The following ILRUN variants were observed in gnomAD, a reference collection of about 807,000 sequenced individuals.
The protein encoded by ILRUN is protein ILRUN.
Under a neutral mutation model 33.8 loss-of-function variants are expected in ILRUN, and 3 were observed. The observed-to-expected ratio is 0.09, with a 90% CI of 0.04 to 0.23. The LOEUF is 0.23. Ranked by LOEUF, ILRUN falls within the 10% of genes least tolerant of loss-of-function variation. ILRUN has a pLI of 1.00. For synonymous variants in ILRUN, 124 were observed against 138.9 expected (o/e 0.89, Z 0.75); for missense variants, 210 against 375.1 (o/e 0.56, Z 3.64).
chr6:34,680,374 C>T (rs1763333736), intron 1 of ILRUN, among the ~76,000 whole-genome samples: 1 of 152,114 alleles, frequency 6.6e-6, no homozygotes, highest in Admixed American at 6.6e-5. Flanking sequence ...ACATTTTTAT[C>T]TCTGGGTCCC....
At chr6:34,684,056 T>C (rs1452337806) in intron 1 of ILRUN, among the ~76,000 whole-genome samples, 1 of 151,842 alleles carries the variant, frequency 6.6e-6, no homozygotes, top group Non-Finnish European at 1.5e-5. Flanking sequence ...CCAGCCTGGG[T>C]GACAGAGCTC....
intron 3 of ILRUN, among the ~76,000 whole-genome samples, chr6:34,618,646 A>G (rs1409876252): frequency 1.3e-5 from 2 of 152,174 alleles, no homozygotes; most frequent in African/African-American, 2.4e-5. Flanking sequence ...TGATTTTGTC[A>G]GGCTACAGGC....
chr6:34,599,543 C>T (rs73409996), intron 4 of ILRUN, among the ~76,000 whole-genome samples: 3,289 of 152,258 alleles, frequency 0.022, 123 homozygotes, highest in African/African-American at 0.072. Flanking sequence ...CACATATACC[C>T]TTGCCTTGTT....
chr6:34,655,870 A>T (rs536892304), intron 1 of ILRUN, among the ~76,000 whole-genome samples: 1 of 152,116 alleles, frequency 6.6e-6, no homozygotes, highest in South Asian at 2.1e-4. Context: ...GATTTCTCCC[A>T]TCTAATAGGT....
chr6:34,612,366 G>A (rs1267853434), intron 3 of ILRUN, among the ~76,000 whole-genome samples: 1 of 152,126 alleles, frequency 6.6e-6, no homozygotes, highest in Non-Finnish European at 1.5e-5. Context: ...AGGAGGTCGA[G>A]GTTGTACCAC....
Position 34,669,411 on chromosome 6 carries a change from G to C in ILRUN, c.159-14632C>G, listed in dbSNP as rs1582095328. Among the ~76,000 whole-genome samples the C allele has an allele frequency of 3.3e-5, 5 of 151,290 alleles. No individual in the cohort carries two copies. In the South Asian group the frequency reaches 1.0e-3, roughly 31 times the overall value. On this transcript the variant is annotated intron_variant, in intron 1 of 4. Transcript: ENST00000374023. ...CCCAAAGCGCTGGGATTAAAGGCGTGAGCCACCATGCCCAGCCTGAGGCCT... is the reference window on the plus strand; with the variant it reads ...CCCAAAGCGCTGGGATTAAAGGCGTCAGCCACCATGCCCAGCCTGAGGCCT...
chr6:34,668,114 G>C (rs1341332541), intron 1 of ILRUN, among the ~76,000 whole-genome samples: 2 of 151,926 alleles, frequency 1.3e-5, no homozygotes, highest in Admixed American at 6.6e-5. Context: ...TATCTCAAAT[G>C]GTTCAGGAAA....
At chr6:34,677,016 A>G (rs1289193861) in intron 1 of ILRUN, among the ~76,000 whole-genome samples, 1 of 150,040 alleles carries the variant, frequency 6.7e-6, no homozygotes, top group Non-Finnish European at 1.5e-5. Flanking sequence ...AAAAAAAAAA[A>G]GAATTGAAGG....
chr6:34,630,733 T>G (rs1165190347), intron 3 of ILRUN, among the ~76,000 whole-genome samples: 2 of 152,176 alleles, frequency 1.3e-5, no homozygotes, highest in East Asian at 3.8e-4. Flanking sequence ...CAGGCTGGAC[T>G]TGAACTCCTG....
chr6:34,642,924 T>A (rs1358292323), intron 3 of ILRUN, among the ~76,000 whole-genome samples: 1 of 150,030 alleles, frequency 6.7e-6, no homozygotes, highest in African/African-American at 2.5e-5. Flanking sequence ...GCCAAGGACT[T>A]TGAGGCTGCA....
intron 1 of ILRUN, among the ~76,000 whole-genome samples, chr6:34,688,725 A>T (rs1310818774): frequency 6.6e-6 from 1 of 152,112 alleles, no homozygotes. Context: ...AGGTAGGAGA[A>T]TCGCTTGAAT....
intron 1 of ILRUN, among the ~76,000 whole-genome samples, chr6:34,660,849 G>A (rs1011979738): frequency 1.3e-5 from 2 of 152,100 alleles, no homozygotes. Context: ...AAAGATGACC[G>A]CAAATAGGGA....
intron 3 of ILRUN, among the ~76,000 whole-genome samples, chr6:34,628,116 G>A (rs1276596493): frequency 6.6e-6 from 1 of 152,024 alleles, no homozygotes; most frequent in Non-Finnish European, 1.5e-5. Flanking sequence ...CACCTGCCGG[G>A]TTCAAACGAT....
chr6:34,683,449 TATAC>T (rs1446537026), intron 1 of ILRUN, among the ~76,000 whole-genome samples: 3 of 105,368 alleles, frequency 2.8e-5, no homozygotes, highest in East Asian at 2.4e-4. Context: ...TACATATATA[TATAC>T]ATATATATAC....
At chr6:34,670,161 C>A (rs1291810888) in intron 1 of ILRUN, among the ~76,000 whole-genome samples, 2 of 152,050 alleles carry the variant, frequency 1.3e-5, no homozygotes. Context: ...AACCCACCCA[C>A]CTTGGCCTCC....
At chr6:34,591,009 A>T (rs1761282859) in intron 4 of ILRUN, among the ~76,000 whole-genome samples, 1 of 152,210 alleles carries the variant, frequency 6.6e-6, no homozygotes, top group Non-Finnish European at 1.5e-5. Flanking sequence ...ACTGCTAGCT[A>T]ACAACACATA....
intron 4 of ILRUN, among the ~76,000 whole-genome samples, chr6:34,602,024 T>G (rs1761520092): frequency 6.6e-6 from 1 of 152,154 alleles, no homozygotes; most frequent in Admixed American, 6.5e-5. Flanking sequence ...AGTTTCTCCT[T>G]CTGAACCAGC....
In ILRUN at chr6:34,606,883, C is replaced by A; in HGVS notation, c.533G>T (p.Ser178Ile). The change falls in exon 4 of 5, where the codon AGT (serine) becomes ATT (isoleucine). Residue 178 changes from serine (S) to isoleucine (I), a missense_variant. By Grantham distance (142) the Ser-to-Ile change is moderately radical. Coordinates refer to ENST00000374023, the MANE Select transcript of ILRUN (RefSeq NM_024294.4). ...YYGDVIWVIL[S>I]VEVGGLLGVT... ...TCCTAAAAGTCCACCCACCTCCACA[C>A]TGAGAATCACCCAGATGACATCTGA... 1.2e-6 allele frequency: 2 copies of A among 1,613,148 alleles called. No individual in the cohort carries two copies. The highest frequency in any genetic ancestry group is 1.7e-6 in the Non-Finnish European group (2 of 1,179,632).
chr6:34,604,149 A>G (rs1382736660), intron 4 of ILRUN, among the ~76,000 whole-genome samples: 1 of 152,218 alleles, frequency 6.6e-6, no homozygotes, highest in Non-Finnish European at 1.5e-5. Flanking sequence ...ATGATCCTAC[A>G]AAGTCCAGGA....
Sources: gnomAD v4.1 joint callset for allele counts (sites outside exome capture counted in the v4.1 genomes callset) on GRCh38, gnomAD v4.1.1 for gene constraint, MANE v1.5 for transcripts, NCBI Gene and HGNC (gene_info 2026-07-23, HGNC 2026-07-21) for gene names.